KLHL20: variants seen among roughly 807,000 people sequenced by gnomAD.
The protein encoded by KLHL20 is kelch like family member 20.
KLHL20 carries 29 observed loss-of-function variants against 69.5 expected under a neutral mutation model. The observed-to-expected ratio is 0.42, with a 90% CI of 0.31 to 0.57. KLHL20 has a LOEUF of 0.57. Among genes scored for constraint, KLHL20 ranks in the 20% least tolerant of loss-of-function variants. The pLI, the probability that KLHL20 is intolerant of heterozygous loss-of-function variation, is 0.18. For missense variants in KLHL20, 419 were observed against 776.0 expected (o/e 0.54, Z 5.47); for synonymous variants, 253 against 265.2 (o/e 0.95, Z 0.45).
intron 3 of KLHL20, among the ~76,000 whole-genome samples, chr1:173,746,855 T>C (rs1039415122): frequency 3.3e-5 from 5 of 152,038 alleles, no homozygotes; most frequent in African/African-American, 1.2e-4. Flanking sequence ...CTACTATAAG[T>C]ATTTAAAGCT....
chr1:173,783,861 C>T (rs1571945172), intron 11 of KLHL20, among the ~76,000 whole-genome samples: 2 of 149,578 alleles, frequency 1.3e-5, no homozygotes, highest in Admixed American at 6.7e-5. Flanking sequence ...AGCAAGACTC[C>T]GTCTCAAAAA....
At chr1:173,781,922 G>C (rs1648905243) in intron 10 of KLHL20, 1 of 466,714 alleles carries the variant, frequency 2.1e-6, no homozygotes. Flanking sequence ...GATTCTGTGT[G>C]AATATTCTAA....
At chr1:173,780,089 A>G (rs1416007257) in intron 10 of KLHL20, among the ~76,000 whole-genome samples, 1 of 152,170 alleles carries the variant, frequency 6.6e-6, no homozygotes, top group Non-Finnish European at 1.5e-5. Context: ...GATAAAAGAG[A>G]GTGAATTCTG....
chr1:173,760,081 A>T (rs964821216), intron 7 of KLHL20, among the ~76,000 whole-genome samples: 13 of 152,206 alleles, frequency 8.5e-5, no homozygotes, highest in African/African-American at 3.1e-4. Flanking sequence ...ATGCTCTAGA[A>T]AGTCTCAGTA....
chr1:173,729,954 G>T (rs1672177873), intron 2 of KLHL20, among the ~76,000 whole-genome samples: 1 of 152,182 alleles, frequency 6.6e-6, no homozygotes, highest in African/African-American at 2.4e-5. Flanking sequence ...TGACATGATT[G>T]TATGTCTAGA....
intron 4 of KLHL20, among the ~76,000 whole-genome samples, chr1:173,753,012 A>C (rs2102500243): frequency 6.6e-6 from 1 of 152,206 alleles, no homozygotes; most frequent in South Asian, 2.1e-4. Flanking sequence ...TACAAAAAAA[A>C]AAATACAAAA....
chr1:173,758,963 C>T (rs764851923), intron 7 of KLHL20, among the ~76,000 whole-genome samples: 43 of 152,260 alleles, frequency 2.8e-4, no homozygotes, highest in Non-Finnish European at 5.7e-4. Context: ...AGCTGGGAGG[C>T]GGATAGCCTG....
chr1:173,752,943 A>G (rs1319363665), intron 4 of KLHL20, among the ~76,000 whole-genome samples: 7 of 152,138 alleles, frequency 4.6e-5, no homozygotes, highest in Admixed American at 4.6e-4. Flanking sequence ...TAAGGCAGGC[A>G]GATCACTTGA....
chr1:173,727,081 C>T (rs926033526), intron 2 of KLHL20, among the ~76,000 whole-genome samples: 1 of 151,938 alleles, frequency 6.6e-6, no homozygotes, highest in Non-Finnish European at 1.5e-5. Context: ...AACCACCGCA[C>T]GAGAACTACG....
intron 2 of KLHL20, among the ~76,000 whole-genome samples, chr1:173,725,032 C>T (rs1418319163): frequency 6.6e-6 from 1 of 151,604 alleles, no homozygotes; most frequent in African/African-American, 2.4e-5. Flanking sequence ...TTATTTGACT[C>T]TTCTTCTTGA....
intron 8 of KLHL20, among the ~76,000 whole-genome samples, chr1:173,770,962 A>C (rs1365636186): frequency 6.6e-6 from 1 of 152,188 alleles, no homozygotes; most frequent in African/African-American, 2.4e-5. Flanking sequence ...GAAGAAAAAG[A>C]AAAAATTCCT....
intron 7 of KLHL20, among the ~76,000 whole-genome samples, chr1:173,760,983 C>T (rs900547560): frequency 3.3e-5 from 5 of 152,148 alleles, no homozygotes; most frequent in African/African-American, 1.2e-4. Flanking sequence ...CCATCTGCTG[C>T]CTTTGGGAGA....
At chr1:173,719,744 A>G (rs1480668643) in intron 2 of KLHL20, among the ~76,000 whole-genome samples, 1 of 149,790 alleles carries the variant, frequency 6.7e-6, no homozygotes, top group African/African-American at 2.6e-5. Context: ...TTTACCAACA[A>G]TATGTTTGTT....
Position 173,733,768 on chromosome 1 carries a change from C to T in KLHL20, c.79C>T (p.Leu27Phe), listed in dbSNP as rs376232846. 3 of 1,614,142 alleles carry T rather than the reference C, an allele frequency of 1.9e-6. No homozygotes were observed. The highest frequency in any genetic ancestry group is 1.7e-6 in the Non-Finnish European group (2 of 1,180,000). The change falls in exon 3 of 12, where the codon CTT becomes TTT. Residue 27 changes from leucine (L) to phenylalanine (F), a missense_variant. By Grantham distance (22) the Leu-to-Phe change is conservative. Transcript: ENST00000209884. ...TGMDVTSRCT[L>F]GDPNKLPEGV... ...AATGGATGTAACAAGCCGCTGCACC[C>T]TTGGAGACCCCAACAAACTGCCAGA... is the stretch of plus-strand genomic sequence containing the variant.
chr1:173,748,695 A>G (rs1326710581), intron 3 of KLHL20, among the ~76,000 whole-genome samples: 1 of 152,128 alleles, frequency 6.6e-6, no homozygotes, highest in East Asian at 1.9e-4. Context: ...ATGTGTATAC[A>G]TATGTAACTA....
At chr1:173,749,870 A>C (rs1673224689) in intron 3 of KLHL20, among the ~76,000 whole-genome samples, 1 of 152,184 alleles carries the variant, frequency 6.6e-6, no homozygotes, top group South Asian at 2.1e-4. Flanking sequence ...TCATGACTAA[A>C]CTTTTGCATG....
intron 7 of KLHL20, among the ~76,000 whole-genome samples, chr1:173,757,664 CAAAAAAAAAAA>C (rs906943946): frequency 1.7e-5 from 1 of 59,060 alleles, no homozygotes; most frequent in Non-Finnish European, 3.4e-5. Context: ...GACTCCTTCT[CAAAAAAAAAAA>C]AAAAAGAAAA....
intron 7 of KLHL20, 26 bp downstream of exon 7, chr1:173,757,185 C>T (rs902499225): frequency 6.4e-7 from 1 of 1,568,614 alleles, no homozygotes; most frequent in African/African-American, 1.4e-5. Flanking sequence ...CTGTAATTTT[C>T]TCTCTACTAT....
rs760870466 is a variant in KLHL20, at chr1:173,733,882, C to A, written c.193C>A (p.Arg65=). The change falls in exon 3 of 12, where the codon CGG becomes AGG. Residue 65 remains arginine, a synonymous_variant. Coordinates refer to ENST00000209884, the MANE Select transcript of KLHL20 (RefSeq NM_014458.4). Reference sequence around the variant, plus strand: ...AGTGATTAACCTTCTGAGAAAGCACCGGGAGCTATGTGATGTGGTGCTAGT... The same window carrying A: ...AGTGATTAACCTTCTGAGAAAGCACAGGGAGCTATGTGATGTGGTGCTAGT... ...LEVINLLRKH[R]ELCDVVLVVG... is the part of the protein sequence containing the mutation. 16 of 1,613,942 alleles carry A rather than the reference C, an allele frequency of 9.9e-6. No homozygotes were observed. Among genetic ancestry groups the A allele is most frequent in the Non-Finnish European group, 1.4e-5 (16 of 1,180,044 alleles).
Sources: gnomAD v4.1 joint callset for allele counts (sites outside exome capture counted in the v4.1 genomes callset) on GRCh38, gnomAD v4.1.1 for gene constraint, MANE v1.5 for transcripts, NCBI Gene and HGNC (gene_info 2026-07-23, HGNC 2026-07-21) for gene names.